Variants in SELE observed in about 807,000 individuals in gnomAD.
SELE encodes the protein selectin E.
Under a neutral mutation model 75.8 loss-of-function variants are expected in SELE, and 52 were observed. The observed-to-expected ratio is 0.69, with a 90% CI of 0.55 to 0.86. The LOEUF (loss-of-function observed/expected upper bound fraction) is 0.86, where lower values mean the gene tolerates loss of function less well. Ranked by LOEUF, SELE falls within the 40% of genes least tolerant of loss-of-function variation. SELE has a pLI of 0.00. For missense variants in SELE, 754 were observed against 732.7 expected (o/e 1.03, Z -0.34); for synonymous variants, 285 against 258.7 (o/e 1.10, Z -0.98).
At chr1:169,729,165 A>G in intron 7 of SELE, 21 bp downstream of exon 7, 1 of 1,570,314 alleles carries the variant, frequency 6.4e-7, no homozygotes, top group South Asian at 1.2e-5. Flanking sequence ...GAAAGTATAA[A>G]TCGAAGGATC....
Position 169,729,371 on chromosome 1 carries a change from A to G in SELE, c.905T>C (p.Val302Ala). The change falls in exon 7 of 14, where the codon GTG (valine) becomes GCG (alanine). Residue 302 changes from valine to alanine, a missense_variant. Physicochemically the swap from Val to Ala is moderately conservative, Grantham distance 64. Coordinates refer to ENST00000333360, the MANE Select transcript of SELE (RefSeq NM_000450.2). ...WDNEKPTCKAVTCRAVRQPQN... is the reference protein window; with the variant it reads ...WDNEKPTCKAATCRAVRQPQN... ...AGGCTGGCGGACGGCCCTGCATGTC[A>G]CAGCTGTAACAAATATACGCATTGA... The G allele has an allele frequency of 6.2e-7, 1 of 1,613,584 alleles. No homozygotes were observed. The highest frequency in any genetic ancestry group is 8.5e-7 in the Non-Finnish European group (1 of 1,179,716).
In SELE at chr1:169,732,808, T is replaced by G; in HGVS notation, c.228A>C (p.Lys76Asn). ...SPSYYWIGIR[K>N]VNNVWVWVGT... ...CTACCCAGACCCACACATTGTTGAC[T>G]TTTCTGATTCCAATCCAGTAATAAC... The change falls in exon 3 of 14, where the codon AAA becomes AAC. Residue 76 changes from lysine to asparagine, a missense_variant. By Grantham distance (94) the Lys-to-Asn change is moderately conservative. Coordinates refer to ENST00000333360, the MANE Select transcript of SELE (RefSeq NM_000450.2). 6.2e-7 allele frequency: 1 copy of G among 1,614,178 alleles called. No homozygotes were observed. Among genetic ancestry groups the G allele is most frequent in the Non-Finnish European group, 8.5e-7 (1 of 1,180,024 alleles).
chr1:169,732,790 GACCCAC>G lies in SELE; in HGVS notation c.240_245del (p.Trp83_Val84del). The G allele has an allele frequency of 4.3e-6, 7 of 1,614,128 alleles. No homozygotes were observed. Among genetic ancestry groups the G allele is most frequent in the Non-Finnish European group, 5.9e-6 (7 of 1,180,024 alleles). On this transcript the variant is annotated inframe_deletion, in exon 3 of 14. Transcript: ENST00000333360. ...TCAGAGGTTTCTGGGTTCCTACCCA[GACCCAC>G]ACATTGTTGACTTTTCTGATTCCAA...
intron 13 of SELE, among the ~76,000 whole-genome samples, chr1:169,724,739 T>A (rs1207789588): frequency 2.6e-5 from 4 of 152,170 alleles, no homozygotes; most frequent in Non-Finnish European, 5.9e-5. Flanking sequence ...TGGACATTAA[T>A]GAATAATAAT....
intron 2 of SELE, 92 bp from the exon 3 acceptor site, chr1:169,733,090 A>G (rs1648956427): frequency 1.5e-6 from 2 of 1,333,148 alleles, no homozygotes; most frequent in Non-Finnish European, 2.0e-6. Context: ...ATTTTTGGCA[A>G]TGTTTGTGAC....
chr1:169,730,386 G>A (rs771385817), intron 5 of SELE, 46 bp downstream of exon 5: 1 of 1,419,678 alleles, frequency 7.0e-7, no homozygotes, highest in Admixed American at 2.2e-5. Flanking sequence ...CAGAAGCAAT[G>A]AGGGATGAGT....
chr1:169,730,450 G>A lies in SELE; in HGVS notation c.697C>T (p.Pro233Ser), dbSNP rs756008003. 3.1e-6 allele frequency: 5 copies of A among 1,602,460 alleles called. No individual in the cohort carries two copies. The highest frequency in any genetic ancestry group is 3.4e-6 in the Non-Finnish European group (4 of 1,172,366). The part of the protein sequence containing the change: ...QCMSSGEWSA[P>S]IPACNVVECD... ...GATTTACCATTGCAGGCTGGAATAG[G>A]AGCACTCCATTCTCCAGAGGACATA... is the stretch of plus-strand genomic sequence containing the variant. Residue 233 changes from proline to serine, a missense_variant, in exon 5 of 14, where the codon CCT becomes TCT. Transcript: ENST00000333360.
chr1:169,732,093 C>A (rs1280624346), intron 3 of SELE, 151 bp from the exon 4 acceptor site: 1 of 527,990 alleles, frequency 1.9e-6, no homozygotes, highest in Non-Finnish European at 3.4e-6. Flanking sequence ...AGTTCCAAAT[C>A]TGAGTTTCAG....
At chr1:169,726,043 G>T in intron 11 of SELE, 115 bp from the exon 12 acceptor site, 1 of 1,181,660 alleles carries the variant, frequency 8.5e-7, no homozygotes, top group Non-Finnish European at 1.2e-6. Context: ...GATGCTTCAG[G>T]GCCTCTGTAA....
chr1:169,726,847 T>G (rs1256362872), intron 10 of SELE, 41 bp from the exon 11 acceptor site: 1 of 1,424,010 alleles, frequency 7.0e-7, no homozygotes, highest in East Asian at 2.3e-5. Context: ...GAGGAAGAAT[T>G]GATGTTAAAG....
rs1648811583 is a variant in SELE at position 169,727,782 on chromosome 1, G to A, written c.1425C>T (p.Cys475=). ...CTTCTGTCCATTGTCCCTGAGATGT[G>A]CACTCAAGTTGAGTTGATCCATGTA... ...FELHGSTQLE[C]TSQGQWTEEV... Residue 475 remains cysteine, a synonymous_variant, in exon 9 of 14, where the codon TGC becomes TGT. Coordinates refer to ENST00000333360, the MANE Select transcript of SELE (RefSeq NM_000450.2). 1 of 1,614,152 alleles carries A rather than the reference G, an allele frequency of 6.2e-7. No homozygotes were observed. Among genetic ancestry groups the A allele is most frequent in the Non-Finnish European group, 8.5e-7 (1 of 1,180,012 alleles).
chr1:169,724,755 A>G (rs1648704485), intron 13 of SELE, among the ~76,000 whole-genome samples: 1 of 152,214 alleles, frequency 6.6e-6, no homozygotes, highest in Admixed American at 6.5e-5. Flanking sequence ...ATAATGTATC[A>G]ATATTGGCCC....
In SELE at chr1:169,729,307, T is replaced by C; in HGVS notation, c.969A>G (p.Gly323=). The change falls in exon 7 of 14, where the codon GGA becomes GGG. Residue 323 remains glycine (G), a synonymous_variant. Coordinates refer to ENST00000333360, the MANE Select transcript of SELE (RefSeq NM_000450.2). Reference sequence around the variant, plus strand: ...TGCAGGATGATTTGAAGGTGAACTCTCCAGCAGGGGAATGGCTGCACCTCA... The same window carrying C: ...TGCAGGATGATTTGAAGGTGAACTCCCCAGCAGGGGAATGGCTGCACCTCA... ...GSVRCSHSPA[G]EFTFKSSCNF... is the part of the protein sequence containing the mutation. 1 of 1,614,114 alleles carries C rather than the reference T, an allele frequency of 6.2e-7. No individual in the cohort carries two copies. The highest frequency in any genetic ancestry group is 8.5e-7 in the Non-Finnish European group (1 of 1,180,004).
chr1:169,729,108 T>G, intron 7 of SELE, 78 bp downstream of exon 7: 1 of 1,311,618 alleles, frequency 7.6e-7, no homozygotes, highest in Non-Finnish European at 1.0e-6. Context: ...AAAGTGGGTA[T>G]TGGTTTTTTT....
rs776827568 is a variant in SELE at position 169,729,380 on chromosome 1, A to T, written c.902-6T>A. ...GACGGCCCTGCATGTCACAGCTGTAACAAATATACGCATTGATATTAGCAC... is the reference window on the plus strand; with the variant it reads ...GACGGCCCTGCATGTCACAGCTGTATCAAATATACGCATTGATATTAGCAC... On this transcript the variant is annotated splice_polypyrimidine_tract_variant and splice_region_variant and intron_variant, in intron 6 of 13. Transcript: ENST00000333360. 4.5e-5 allele frequency: 73 copies of T among 1,613,160 alleles called. 1 individual carries two copies. In the South Asian group the frequency reaches 7.4e-4, roughly 16 times the overall value.
intron 10 of SELE, 43 bp downstream of exon 10, chr1:169,727,306 T>A (rs78542520): frequency 6.3e-7 from 1 of 1,575,282 alleles, no homozygotes; most frequent in African/African-American, 1.4e-5. Context: ...CTCCCCCTTT[T>A]TCTTTTTAAT....
chr1:169,732,934 A>C lies in SELE; in HGVS notation c.102T>G (p.Asp34Glu). The part of the protein sequence containing the change: ...YNTSTEAMTY[D>E]EASAYCQQRY... The stretch of plus-strand genomic sequence containing the variant: ...TTTGCTGACAATAAGCACTGGCCTC[A>C]TCATAAGTCATAGCTTCCGTGGAGG... Residue 34 changes from aspartate (D) to glutamate (E), a missense_variant, in exon 3 of 14, where the codon GAT becomes GAG. Physicochemically the swap from Asp to Glu is conservative, Grantham distance 45. Coordinates refer to ENST00000333360, the MANE Select transcript of SELE (RefSeq NM_000450.2). 1.2e-6 allele frequency: 2 copies of C among 1,613,614 alleles called. No individual in the cohort carries two copies. The highest frequency in any genetic ancestry group is 1.7e-6 in the Non-Finnish European group (2 of 1,179,896).
At chr1:169,733,184 G>GC (rs1254721740) in intron 2 of SELE, among the ~76,000 whole-genome samples, 186 bp from the exon 3 acceptor site, 2 of 152,240 alleles carry the variant, frequency 1.3e-5, no homozygotes, top group African/African-American at 4.8e-5. Context: ...TTTTGTGACT[G>GC]CCACCCACTA....
At chr1:169,728,308 G>A in intron 7 of SELE, 62 bp from the exon 8 acceptor site, 1 of 1,510,424 alleles carries the variant, frequency 6.6e-7, no homozygotes, top group South Asian at 1.2e-5. Context: ...CTTGGCGTTT[G>A]TTGAGTGAAC....
Sources: allele counts gnomAD v4.1 joint callset (sites outside exome capture counted in the v4.1 genomes callset), GRCh38; gene constraint gnomAD v4.1.1; transcripts MANE v1.5; gene names NCBI Gene and HGNC (gene_info 2026-07-23, HGNC 2026-07-21).